The following APCDD1L variants were observed in gnomAD, a reference collection of about 807,000 sequenced individuals.
The protein encoded by APCDD1L is APC down-regulated 1 like, also known as protein APCDD1-like.
Under a neutral mutation model 24.2 loss-of-function variants are expected in APCDD1L, and 21 were observed. That is an observed-to-expected ratio of 0.87 (90% confidence interval 0.61 to 1.25). APCDD1L has a LOEUF of 1.25. Ranked by LOEUF, APCDD1L falls within the 50% of genes most tolerant of loss-of-function variation. The pLI is 0.00. For missense variants in APCDD1L, 704 were observed against 711.7 expected (o/e 0.99, Z 0.12); for synonymous variants, 321 against 323.6 (o/e 0.99, Z 0.09).
At position 58,461,433 on chromosome 20, in the gene APCDD1L, C is replaced by T; in HGVS notation, c.863G>A (p.Gly288Glu). The T allele has an allele frequency of 1.3e-6, 2 of 1,515,368 alleles. No individual in the cohort carries two copies. Among genetic ancestry groups the T allele is most frequent in the Non-Finnish European group, 1.8e-6 (2 of 1,129,276 alleles). 93.9% of individuals were successfully genotyped at this position (1,515,368 alleles called of 1,614,324 possible). A position where few individuals can be genotyped will look rare whatever the true frequency, so the allele number is the denominator to read the frequency against. The change falls in exon 4 of 4, where the codon GGG becomes GAG. Residue 288 changes from glycine to glutamate, a missense_variant. By Grantham distance (98) the Gly-to-Glu change is moderately conservative (BLOSUM62 -2). Coordinates refer to ENST00000371149, the MANE Select transcript of APCDD1L (RefSeq NM_153360.3). The surrounding 1 kb of genome is among the most constrained non-coding windows in gnomAD (Gnocchi z 6.0). ...CAGGACTGCTGGGCGCACCTCGCAC[C>T]CCGAGCTGACCCACCAGCCGCCCAG... ...LHLGGWWVSSGCEVRPAVLFL... is the reference protein window; with the variant it reads ...LHLGGWWVSSECEVRPAVLFL...
At chr20:58,510,364 G>A (rs1473242443) in intron 1 of APCDD1L, among the ~76,000 whole-genome samples, 2 of 151,746 alleles carry the variant, frequency 1.3e-5, no homozygotes, top group African/African-American at 2.4e-5. Context: ...TTTTTGTCTC[G>A]CCCTGTTGCC....
chr20:58,514,102 C>A, intron 1 of APCDD1L: 1 of 485,458 alleles, frequency 2.1e-6, no homozygotes. Flanking sequence ...ATTGACTACT[C>A]TACCAGGGGT....
rs1990705887 is a variant in APCDD1L, at chr20:58,514,747, C to CT, written c.-41_-40insA. ...CAGGACCGCCCGCCGGGCGCTGCCA[C>CT]GGTGCGCAAGGGGAGGCGCGGGCGC... On this transcript the variant is annotated 5_prime_UTR_variant, in exon 1 of 4. Coordinates refer to ENST00000371149, the MANE Select transcript of APCDD1L (RefSeq NM_153360.3). 1 of 1,280,950 alleles carries CT rather than the reference C, an allele frequency of 7.8e-7. No homozygotes were observed. Among genetic ancestry groups the CT allele is most frequent in the Admixed American group, 3.6e-5 (1 of 27,414 alleles). 79.3% of individuals were successfully genotyped at this position (1,280,950 alleles called of 1,614,324 possible).
intron 1 of APCDD1L, among the ~76,000 whole-genome samples, chr20:58,513,035 T>C (rs1372203929): frequency 1.3e-5 from 2 of 152,212 alleles, no homozygotes; most frequent in African/African-American, 2.4e-5. Context: ...AGTGATTTCA[T>C]TGGCATGACG....
intron 1 of APCDD1L, among the ~76,000 whole-genome samples, chr20:58,478,708 T>C (rs1043697834): frequency 8.5e-5 from 13 of 152,092 alleles, no homozygotes; most frequent in Non-Finnish European, 1.5e-4. Flanking sequence ...GTGACTTCCT[T>C]GTTGACCCTT....
rs1846081942 is a variant in APCDD1L at position 58,494,507 on chromosome 20, T to TC, written c.49+20151_49+20152insG. Among the ~76,000 whole-genome samples the TC allele has an allele frequency of 1.6e-5, 1 of 64,328 alleles. No homozygotes were observed. The highest frequency in any genetic ancestry group is 6.3e-5 in the African/African-American group (1 of 15,894). 42.2% of individuals were successfully genotyped at this position (64,328 alleles called of 152,430 possible). A position where few individuals can be genotyped will look rare whatever the true frequency, so the allele number is the denominator to read the frequency against. ...ACCACTGCCACACTCAGCTAATTTT[T>TC]AATTTTTTTTTTGGTAGAGATGGGG... On this transcript the variant is annotated intron_variant, in intron 1 of 3. Coordinates refer to ENST00000371149, the MANE Select transcript of APCDD1L (RefSeq NM_153360.3). This position sits in a 1 kb window ranked among gnomAD's most constrained non-coding sequence, Gnocchi z 4.8.
intron 1 of APCDD1L, among the ~76,000 whole-genome samples, chr20:58,479,702 C>T (rs1233186402): frequency 6.7e-6 from 1 of 149,406 alleles, no homozygotes; most frequent in Non-Finnish European, 1.5e-5. Context: ...GAAGCTTACA[C>T]ATATTTTAAA....
At chr20:58,486,682 A>AAG (rs1425850776) in intron 1 of APCDD1L, among the ~76,000 whole-genome samples, 1 of 152,090 alleles carries the variant, frequency 6.6e-6, no homozygotes, top group African/African-American at 2.4e-5. Context: ...ACCAAACAGA[A>AAG]AGTAGCCGCC....
At chr20:58,469,696 C>A (rs184608931) in intron 2 of APCDD1L, among the ~76,000 whole-genome samples, 5 of 152,168 alleles carry the variant, frequency 3.3e-5, no homozygotes, top group African/African-American at 1.2e-4. Flanking sequence ...CAAATGCATT[C>A]GAAGTGGCCT....
intron 2 of APCDD1L, among the ~76,000 whole-genome samples, chr20:58,468,841 T>C (rs1049037264): frequency 1.3e-5 from 2 of 152,196 alleles, no homozygotes; most frequent in Admixed American, 6.5e-5. Context: ...GTGCTGGGAT[T>C]ACAGGCGTGA....
In APCDD1L at chr20:58,467,806, A is replaced by C; in HGVS notation, c.189-148T>G. On this transcript the variant is annotated intron_variant, in intron 2 of 3. Coordinates refer to ENST00000371149, the MANE Select transcript of APCDD1L (RefSeq NM_153360.3). This position sits in a 1 kb window ranked among gnomAD's most constrained non-coding sequence, Gnocchi z 5.9. ...GGCCCCTCCAGCCTCAGTTCCCCTC[A>C]CTGCTCGCAGTCAGGCACCCTTGGG... is the stretch of plus-strand genomic sequence containing the variant. The C allele has an allele frequency of 1.3e-6, 1 of 792,882 alleles. No individual in the cohort carries two copies. The allele number at this position is 792,882 out of a possible 1,614,324, so 49.1% of individuals were successfully genotyped here.
At chr20:58,513,302 A>G (rs1990667041) in intron 1 of APCDD1L, among the ~76,000 whole-genome samples, 1 of 152,194 alleles carries the variant, frequency 6.6e-6, no homozygotes, top group Non-Finnish European at 1.5e-5. Flanking sequence ...CGAAAGAACC[A>G]GCAGGGGTGA....
At chr20:58,514,402 C>T (rs968012896) in intron 1 of APCDD1L, among the ~76,000 whole-genome samples, 1 of 152,194 alleles carries the variant, frequency 6.6e-6, no homozygotes, top group Non-Finnish European at 1.5e-5. Flanking sequence ...ACAGGCCAGG[C>T]CCCGACTGGC....
intron 1 of APCDD1L, among the ~76,000 whole-genome samples, chr20:58,480,319 T>C (rs1990000151): frequency 6.6e-6 from 1 of 152,018 alleles, no homozygotes; most frequent in Non-Finnish European, 1.5e-5. Context: ...AGAAAGTCAG[T>C]CAAGGGGTAC....
At chr20:58,491,992 C>A (rs1409815140) in intron 1 of APCDD1L, among the ~76,000 whole-genome samples, 1 of 152,162 alleles carries the variant, frequency 6.6e-6, no homozygotes, top group African/African-American at 2.4e-5. Context: ...AGAAATAGAG[C>A]CAGGACAATT....
chr20:58,490,160 TA>T (rs1351050221), intron 1 of APCDD1L, among the ~76,000 whole-genome samples: 3 of 152,242 alleles, frequency 2.0e-5, no homozygotes, highest in African/African-American at 4.8e-5. Context: ...TATTTTTTGT[TA>T]CCAATCATTC....
At position 58,462,843 on chromosome 20, in the gene APCDD1L, CA is replaced by C. The variant is rs59846654; in HGVS notation, c.742-1290del. Among the ~76,000 whole-genome samples, 555 of 114,168 alleles carry C rather than the reference CA, an allele frequency of 4.9e-3. 3 individuals are homozygous for C. The highest frequency in any genetic ancestry group is 0.011 in the Middle Eastern group (2 of 186). 74.9% of individuals were successfully genotyped at this position (114,168 alleles called of 152,430 possible). A position where few individuals can be genotyped will look rare whatever the true frequency, so the allele number is the denominator to read the frequency against. ...TGGGGGACAGAGCGAGACACCATCT[CA>C]AAAAAAAAAAAAAAATTGGCCAGGT... is the stretch of plus-strand genomic sequence containing the variant. On this transcript the variant is annotated intron_variant, in intron 3 of 3. Transcript: ENST00000371149.
intron 1 of APCDD1L, among the ~76,000 whole-genome samples, chr20:58,495,194 G>A (rs887832134): frequency 5.9e-5 from 9 of 152,202 alleles, no homozygotes; most frequent in Non-Finnish European, 1.0e-4. Context: ...AGAGTCACAC[G>A]ACAAATATGG....
chr20:58,488,336 C>G (rs575404950), intron 1 of APCDD1L, among the ~76,000 whole-genome samples: 2 of 152,210 alleles, frequency 1.3e-5, no homozygotes, highest in East Asian at 1.9e-4. Context: ...AATGCCTCCC[C>G]TGAGGATAAG....
Sources: gnomAD v4.1 joint callset for allele counts (sites outside exome capture counted in the v4.1 genomes callset) on GRCh38, gnomAD v4.1.1 for gene constraint, Gnocchi (gnomAD v3.1) non-coding constraint, MANE v1.5 for transcripts, NCBI Gene and HGNC (gene_info 2026-07-23, HGNC 2026-07-21) for gene names.